Variants in PCDHGA2 observed in about 807,000 individuals in gnomAD.
The protein encoded by PCDHGA2 is protocadherin gamma-A2.
Under a neutral mutation model 59.2 loss-of-function variants are expected in PCDHGA2, and 40 were observed. That is an observed-to-expected ratio of 0.68 (90% CI 0.52 to 0.88). PCDHGA2 has a LOEUF of 0.88. PCDHGA2 is among the 40% of genes least tolerant of loss of function. PCDHGA2 has a pLI of 0.00. For missense variants in PCDHGA2, 1,226 were observed against 1,204.0 expected (o/e 1.02, Z -0.27); for synonymous variants, 560 against 526.0 (o/e 1.06, Z -0.89).
rs113065470 is a variant in PCDHGA2 at position 141,401,000 on chromosome 5, C to A, written c.2424+59605C>A. 4.1e-3 allele frequency among the ~76,000 whole-genome samples: 629 copies of A among 152,216 alleles called. 6 individuals are homozygous for A. The highest frequency in any genetic ancestry group is 0.014 in the African/African-American group (590 of 41,530). On this transcript the variant is annotated intron_variant, in intron 1 of 3. Coordinates refer to ENST00000394576, the MANE Select transcript of PCDHGA2 (RefSeq NM_018915.4). ...TGTTCCTCATATATGCTTTCTTATT[C>A]CTACCTAATGGATTTATGATTTTTT...
intron 1 of PCDHGA2, chr5:141,422,190 A>G (rs761351024): frequency 6.4e-7 from 1 of 1,561,412 alleles, no homozygotes. Flanking sequence ...TGGAAATTCA[A>G]GGCCAAGATG....
chr5:141,428,858 GACT>G (rs1348026268), intron 1 of PCDHGA2: 1 of 139,194 alleles, frequency 7.2e-6, no homozygotes, highest in African/African-American at 3.0e-5. Flanking sequence ...TTTTACGGGA[GACT>G]TTTTTTTTTT....
chr5:141,453,869 G>A (rs887544235), intron 1 of PCDHGA2, among the ~76,000 whole-genome samples: 9 of 152,144 alleles, frequency 5.9e-5, no homozygotes, highest in Non-Finnish European at 1.2e-4. Context: ...TAACAGATGA[G>A]CAAAATAATG....
In PCDHGA2 at chr5:141,476,316, G is replaced by A. The variant is rs536532455; in HGVS notation, c.2425-18491G>A. On this transcript the variant is annotated intron_variant, in intron 1 of 3. Coordinates refer to ENST00000394576, the MANE Select transcript of PCDHGA2 (RefSeq NM_018915.4). This position sits in a 1 kb window ranked among gnomAD's most constrained non-coding sequence, Gnocchi z 7.6. ...GGTAGCCTCTCAGCCCGCAGGTTCC[G>A]GGTGGTGTCTGGAGCTAGCCGAAGA... is the stretch of plus-strand genomic sequence containing the variant. The A allele has an allele frequency of 6.2e-7, 1 of 1,614,176 alleles. No individual in the cohort carries two copies. The highest frequency in any genetic ancestry group is 1.7e-5 in the Admixed American group (1 of 60,028).
intron 1 of PCDHGA2, chr5:141,359,962 A>C (rs1174665843): frequency 1.7e-6 from 1 of 602,426 alleles, no homozygotes; most frequent in African/African-American, 1.9e-5. Context: ...GAACGAAGAG[A>C]AGCGTTTGGG....
chr5:141,432,991 CG>C lies in PCDHGA2; in HGVS notation c.2425-61812del. 1.9e-6 allele frequency: 3 copies of C among 1,614,200 alleles called. No homozygotes were observed. Among genetic ancestry groups the C allele is most frequent in the Non-Finnish European group, 2.5e-6 (3 of 1,180,030 alleles). On this transcript the variant is annotated intron_variant, in intron 1 of 3. Transcript: ENST00000394576. This position sits in a 1 kb window ranked among gnomAD's most constrained non-coding sequence, Gnocchi z 6.0. ...CGGCGTCGCACTTTGTGGGCGTGGACGGGGTGCAGGCTTTCCTGCAGACCTA... is the reference window on the plus strand; with the variant it reads ...CGGCGTCGCACTTTGTGGGCGTGGACGGGTGCAGGCTTTCCTGCAGACCTA...
intron 1 of PCDHGA2, among the ~76,000 whole-genome samples, chr5:141,466,493 A>G (rs2099123402): frequency 6.6e-6 from 1 of 152,226 alleles, no homozygotes; most frequent in South Asian, 2.1e-4. Context: ...TTCTTTAATT[A>G]GAGCACAGAC....
intron 1 of PCDHGA2, chr5:141,399,057 A>C (rs747872462): frequency 6.2e-7 from 1 of 1,613,840 alleles, no homozygotes; most frequent in Admixed American, 1.7e-5. Context: ...AGACCAAGGA[A>C]TATTCAATGG....
chr5:141,341,578 A>C (rs1436256630), intron 1 of PCDHGA2, 183 bp downstream of exon 1: 11 of 1,223,202 alleles, frequency 9.0e-6, no homozygotes, highest in Non-Finnish European at 1.2e-5. Flanking sequence ...GGAAGAAGAG[A>C]CGTGAGAATC....
In PCDHGA2 at chr5:141,350,785, C is replaced by A; in HGVS notation, c.2424+9390C>A. 1 of 1,613,294 alleles carries A rather than the reference C, an allele frequency of 6.2e-7. No individual in the cohort carries two copies. The highest frequency in any genetic ancestry group is 8.5e-7 in the Non-Finnish European group (1 of 1,179,758). Reference sequence around the variant, plus strand: ...ACACCATCAACCCCAATCAATACTTCTCTCTGTCAACGAAGGAAAGTCCTG... The same window carrying A: ...ACACCATCAACCCCAATCAATACTTATCTCTGTCAACGAAGGAAAGTCCTG... On this transcript the variant is annotated intron_variant, in intron 1 of 3. Coordinates refer to ENST00000394576, the MANE Select transcript of PCDHGA2 (RefSeq NM_018915.4).
chr5:141,492,870 C>G (rs2099744684), intron 1 of PCDHGA2, among the ~76,000 whole-genome samples: 1 of 152,192 alleles, frequency 6.6e-6, no homozygotes, highest in African/African-American at 2.4e-5. Flanking sequence ...TGGCTCTCAA[C>G]CCCCAGAGAT....
At chr5:141,418,295 G>A (rs751665486) in intron 1 of PCDHGA2, 1 of 1,613,996 alleles carries the variant, frequency 6.2e-7, no homozygotes, top group Admixed American at 1.7e-5. Context: ...CAGTGAATCC[G>A]TCAGCCTGGG....
At position 141,423,482 on chromosome 5, in the gene PCDHGA2, A is replaced by T. The variant is rs553914622; in HGVS notation, c.2425-71325A>T. On this transcript the variant is annotated intron_variant, in intron 1 of 3. Transcript: ENST00000394576. ...GTGGACGGGGTACAGGCTTTCCTGC[A>T]AACCTATTCCCACGAGGTCTCTCTC... is the stretch of plus-strand genomic sequence containing the variant. 1.1e-5 allele frequency: 17 copies of T among 1,613,968 alleles called. No homozygotes were observed. The African/African-American group carries it at 2.3e-4, about 22-fold the overall frequency.
intron 1 of PCDHGA2, chr5:141,479,209 A>T (rs1314929824): frequency 6.6e-6 from 1 of 152,432 alleles, no homozygotes; most frequent in African/African-American, 2.4e-5. Context: ...AAAAGTATTT[A>T]AAAAATTAAA....
intron 1 of PCDHGA2, chr5:141,371,620 C>T (rs748176272): frequency 1.9e-6 from 3 of 1,613,992 alleles, no homozygotes; most frequent in East Asian, 2.2e-5. Context: ...ACAGATGGAG[C>T]CCTGGACCGG....
rs2099746867 is a variant in PCDHGA2, at chr5:141,493,199, C to T, written c.2425-1608C>T. Among the ~76,000 whole-genome samples the T allele has an allele frequency of 6.6e-6, 1 of 152,168 alleles. No individual in the cohort carries two copies. Among genetic ancestry groups the T allele is most frequent in the Non-Finnish European group, 1.5e-5 (1 of 68,020 alleles). ...CTTACTATATAACTCCTTTGAGAAC[C>T]TCATCTCATTTGCTCTTCCCACCAT... On this transcript the variant is annotated intron_variant, in intron 1 of 3. Coordinates refer to ENST00000394576, the MANE Select transcript of PCDHGA2 (RefSeq NM_018915.4). This position sits in a 1 kb window ranked among gnomAD's most constrained non-coding sequence, Gnocchi z 4.3.
chr5:141,408,877 C>T (rs1476847671), intron 1 of PCDHGA2: 4 of 1,613,308 alleles, frequency 2.5e-6, no homozygotes, highest in Admixed American at 3.3e-5. Flanking sequence ...GAAGTGCCAC[C>T]GCTCACATAG....
intron 1 of PCDHGA2, chr5:141,416,916 T>A (rs751743318): frequency 5.5e-4 from 83 of 152,132 alleles, no homozygotes; most frequent in Non-Finnish European, 8.5e-4. Flanking sequence ...CTCTTTAGGG[T>A]CATAGTTATT....
chr5:141,390,568 C>G (rs2092182781), intron 1 of PCDHGA2: 3 of 414,984 alleles, frequency 7.2e-6, no homozygotes, highest in East Asian at 4.5e-5. Flanking sequence ...GTTGTTGGCT[C>G]TCTCCTAAAA....
Sources: allele counts gnomAD v4.1 joint callset (sites outside exome capture counted in the v4.1 genomes callset), GRCh38; gene constraint gnomAD v4.1.1; non-coding constraint Gnocchi (gnomAD v3.1); transcripts MANE v1.5; gene names NCBI Gene and HGNC (gene_info 2026-07-23, HGNC 2026-07-21).